The following PALD1 variants were observed in gnomAD, a reference collection of about 807,000 sequenced individuals.
PALD1 encodes the protein paladin.
PALD1 carries 57 observed loss-of-function variants against 96.0 expected under a neutral mutation model. The observed-to-expected ratio is 0.59, with a 90% CI of 0.48 to 0.74. PALD1 has a LOEUF of 0.74. PALD1 is among the 30% of genes least tolerant of loss of function. PALD1 has a pLI of 0.00. For missense variants in PALD1, 1,063 were observed against 1,143.7 expected, an observed-to-expected ratio of 0.93 and a Z score of 1.02; for synonymous variants, 464 against 473.6, an observed-to-expected ratio of 0.98 and a Z score of 0.26.
At chr10:70,531,079 A>T (rs1248176917) in intron 4 of PALD1, among the ~76,000 whole-genome samples, 1 of 152,162 alleles carries the variant, frequency 6.6e-6, no homozygotes, top group Non-Finnish European at 1.5e-5. Flanking sequence ...CTTGACCCTG[A>T]CAGGAGGCAG....
intron 19 of PALD1, among the ~76,000 whole-genome samples, 154 bp downstream of exon 19, chr10:70,564,673 C>G (rs746710498): frequency 5.9e-5 from 9 of 152,206 alleles, no homozygotes; most frequent in Non-Finnish European, 1.0e-4. Context: ...TTCTGTTTGG[C>G]CAAGAGTTTG....
chr10:70,474,192 A>G (rs912364660), upstream of PALD1, among the ~76,000 whole-genome samples: 23 of 152,128 alleles, frequency 1.5e-4, no homozygotes, highest in African/African-American at 5.3e-4. Context: ...TCTGTGCAGC[A>G]TGTTCAAACT....
rs149887333 is a variant in PALD1, at chr10:70,483,887, G to A, written c.-30+4828G>A. On this transcript the variant is annotated intron_variant, in intron 1 of 19. Transcript: ENST00000263563. ...TTTATTGTTGCCCTTTCTGTTACAC[G>A]GGATGTATACATCAGGTGCTGAAAG... 2.1e-3 allele frequency among the ~76,000 whole-genome samples: 322 copies of A among 152,164 alleles called. 3 individuals are homozygous for A. The highest frequency in any genetic ancestry group is 7.2e-3 in the African/African-American group (300 of 41,504).
rs746373783 is a variant in PALD1 at position 70,534,496 on chromosome 10, T to C, written c.1094T>C (p.Val365Ala). Residue 365 changes from valine to alanine, a missense_variant, in exon 9 of 20, where the codon GTG becomes GCG. Val to Ala is a moderately conservative substitution (Grantham distance 64, BLOSUM62 0). Coordinates refer to ENST00000263563, the MANE Select transcript of PALD1 (RefSeq NM_014431.3). ...GTGATCCAGAGCTTTCTCCGCATGGTGCCCCAGGGAAGGAGGATGGTGGAA... is the reference window on the plus strand; with the variant it reads ...GTGATCCAGAGCTTTCTCCGCATGGCGCCCCAGGGAAGGAGGATGGTGGAA... ...FQVIQSFLRM[V>A]PQGRRMVEEV... The C allele has an allele frequency of 1.3e-5, 21 of 1,612,776 alleles. 1 individual carries two copies. In the South Asian group the frequency reaches 2.3e-4, roughly 18 times the overall value.
Position 70,532,764 on chromosome 10 carries a change from C to G in PALD1, c.777C>G (p.Phe259Leu), listed in dbSNP as rs1465610648. Residue 259 changes from phenylalanine to leucine, a missense_variant, in exon 6 of 20, where the codon TTC becomes TTG. Phe to Leu is a conservative substitution (Grantham distance 22). Transcript: ENST00000263563. ...AGGAGGTGTACAAGCGGCCCCTCTT[C>G]CTGCAGCCCACCTACAGGTACCACA... ...VTEEVYKRPL[F>L]LQPTYRYHRL... 6.2e-7 allele frequency: 1 copy of G among 1,614,128 alleles called. No homozygotes were observed. Among genetic ancestry groups the G allele is most frequent in the Admixed American group, 1.7e-5 (1 of 60,024 alleles).
chr10:70,475,176 C>T (rs138896540), upstream of PALD1, among the ~76,000 whole-genome samples: 1,012 of 152,314 alleles, frequency 6.6e-3, 36 homozygotes, highest in Admixed American at 0.056. Context: ...ATAGGGGTCA[C>T]ATGGTGGTAA....
intron 1 of PALD1, among the ~76,000 whole-genome samples, chr10:70,513,758 C>T (rs549639672): frequency 2.6e-5 from 4 of 152,310 alleles, no homozygotes; most frequent in African/African-American, 9.6e-5. Context: ...TCAAAATGCT[C>T]ATTACAGCCT....
chr10:70,545,065 TC>T (rs1847333785), intron 17 of PALD1, among the ~76,000 whole-genome samples: 1 of 147,482 alleles, frequency 6.8e-6, no homozygotes. Context: ...CAGGCACCAC[TC>T]CAGGTGCCGG....
At chr10:70,467,795 A>C in the PALD1 span, among the ~76,000 whole-genome samples, 1 of 152,078 alleles carries the variant, frequency 6.6e-6, no homozygotes, top group African/African-American at 2.4e-5. Flanking sequence ...CCAGGATAGG[A>C]CAGGAGTGCA....
chr10:70,544,556 G>T (rs1054552029), intron 17 of PALD1, among the ~76,000 whole-genome samples: 1 of 152,070 alleles, frequency 6.6e-6, no homozygotes, highest in African/African-American at 2.4e-5. Flanking sequence ...CTCATTGGTA[G>T]GTCTTGAGGG....
intron 1 of PALD1, among the ~76,000 whole-genome samples, chr10:70,519,270 T>G (rs1475512620): frequency 6.6e-6 from 1 of 152,152 alleles, no homozygotes; most frequent in Non-Finnish European, 1.5e-5. Context: ...TTCAGGCTGC[T>G]ACGACAAAAC....
chr10:70,478,463 C>T (rs1017177480), upstream of PALD1, among the ~76,000 whole-genome samples: 15 of 152,216 alleles, frequency 9.9e-5, no homozygotes, highest in Admixed American at 9.2e-4. Context: ...CCTCTCGCAG[C>T]CAGGAGGCTG....
intron 18 of PALD1, among the ~76,000 whole-genome samples, chr10:70,553,081 G>A (rs747151569): frequency 2.0e-4 from 31 of 152,186 alleles, no homozygotes; most frequent in Admixed American, 3.3e-4. Context: ...TGCTGCTGTT[G>A]GGGCTGGAAG....
upstream of PALD1, among the ~76,000 whole-genome samples, chr10:70,478,334 G>T (rs1225452334): frequency 6.6e-6 from 1 of 152,302 alleles, no homozygotes; most frequent in East Asian, 1.9e-4. Context: ...CGGATGCTGG[G>T]CTCGGTCCCG....
chr10:70,470,749 C>T, the PALD1 span, among the ~76,000 whole-genome samples: 3 of 151,376 alleles, frequency 2.0e-5, no homozygotes, highest in Non-Finnish European at 4.4e-5. Context: ...GCTGGAACTA[C>T]AGGCACGCAC....
At chr10:70,514,654 A>C (rs1051020101) in intron 1 of PALD1, among the ~76,000 whole-genome samples, 3 of 152,048 alleles carry the variant, frequency 2.0e-5, no homozygotes, top group Non-Finnish European at 4.4e-5. Flanking sequence ...CCTCTTCTGT[A>C]AACTGGGGAT....
chr10:70,568,129 C>G lies in PALD1; in HGVS notation c.*1396C>G, dbSNP rs1166758241. 1 of 152,234 alleles carries G rather than the reference C, an allele frequency of 6.6e-6. No individual in the cohort carries two copies. The highest frequency in any genetic ancestry group is 1.5e-5 in the Non-Finnish European group (1 of 68,032). 9.4% of individuals were successfully genotyped at this position (152,234 alleles called of 1,614,324 possible). On this transcript the variant is annotated 3_prime_UTR_variant, in exon 20 of 20. Transcript: ENST00000263563. The stretch of plus-strand genomic sequence containing the variant: ...ATTCTTTTGCAGAACTACTGTGTGT[C>G]TGTTCACTACCTTTTCAGGTTTATT...
intron 2 of PALD1, among the ~76,000 whole-genome samples, chr10:70,528,551 T>C (rs907085284): frequency 2.2e-4 from 33 of 152,226 alleles, no homozygotes; most frequent in Non-Finnish European, 1.3e-4. Flanking sequence ...GCCTGCGTTC[T>C]AAACCACCTC....
chr10:70,537,334 G>A (rs1224420463), intron 10 of PALD1, among the ~76,000 whole-genome samples: 1 of 152,192 alleles, frequency 6.6e-6, no homozygotes, highest in East Asian at 1.9e-4. Flanking sequence ...GCACTCCTGA[G>A]CTGAAGCGAT....
Sources: gnomAD v4.1 joint callset for allele counts (sites outside exome capture counted in the v4.1 genomes callset) on GRCh38, gnomAD v4.1.1 for gene constraint, MANE v1.5 for transcripts, NCBI Gene and HGNC (gene_info 2026-07-23, HGNC 2026-07-21) for gene names.